Variants in UACA observed in about 807,000 individuals in gnomAD.
UACA encodes the protein uveal autoantigen with coiled-coil domains and ankyrin repeats, also known as nuclear membrane binding protein.
A neutral mutation model predicts 160.5 loss-of-function variants in UACA; 112 were observed. The ratio of observed to expected loss-of-function variants is 0.70; its 90% CI spans 0.60 to 0.82. UACA has a LOEUF of 0.82. Ranked by LOEUF, UACA falls within the 40% of genes least tolerant of loss-of-function variation. The probability of loss-of-function intolerance (pLI) is 0.00; values close to 1 mark genes in which losing one functional copy is unlikely to be tolerated. For missense variants in UACA, 1,574 were observed against 1,614.6 expected, an observed-to-expected ratio of 0.97 and a Z score of 0.43; for synonymous variants, 557 against 568.4, an observed-to-expected ratio of 0.98 and a Z score of 0.29.
rs139369634 is a variant in UACA at position 70,669,418 on chromosome 15, C to T, written c.1266G>A (p.Met422Ile). The T allele has an allele frequency of 7.5e-6, 12 of 1,610,272 alleles. No individual in the cohort carries two copies. The East Asian group carries it at 1.1e-4, about 15-fold the overall frequency. Residue 422 changes from methionine (M) to isoleucine (I), a missense_variant, in exon 16 of 19, where the codon ATG (methionine) becomes ATA (isoleucine). Transcript: ENST00000322954. ...GTAAAGATAGTTCCAGAGGTCTTAA[C>T]ATAGATCTGCTTTGCATATGGGCTG... ...GIPAHMQSRSMLRPLELSLPS... is the reference protein window; with the variant it reads ...GIPAHMQSRSILRPLELSLPS...
rs1897050779 is a variant in UACA, at chr15:70,669,199, T to C, written c.1485A>G (p.Leu495=). 6.2e-7 allele frequency: 1 copy of C among 1,613,970 alleles called. No individual in the cohort carries two copies. The highest frequency in any genetic ancestry group is 8.5e-7 in the Non-Finnish European group (1 of 1,180,002). The part of the protein sequence containing the change: ...KEDSDEQIKQ[L]EDALKDVQKR... ...TCTGCACATCTTTTAATGCATCTTC[T>C]AATTGCTTTATCTGTTCATCTGAAT... The change falls in exon 16 of 19, where the codon TTA becomes TTG. Residue 495 remains leucine (L), a synonymous_variant. Coordinates refer to ENST00000322954, the MANE Select transcript of UACA (RefSeq NM_018003.4).
At chr15:70,710,209 C>T (rs900941273) in intron 1 of UACA, among the ~76,000 whole-genome samples, 12 of 152,078 alleles carry the variant, frequency 7.9e-5, no homozygotes, top group Non-Finnish European at 1.5e-4. Flanking sequence ...GAGCCAAGTT[C>T]GTGCCACTAT....
At chr15:70,739,967 CA>C (rs1474453946) in intron 1 of UACA, among the ~76,000 whole-genome samples, 3 of 152,108 alleles carry the variant, frequency 2.0e-5, no homozygotes, top group African/African-American at 7.2e-5. Context: ...AAACACAGCA[CA>C]GAAAACTGCT....
intron 1 of UACA, among the ~76,000 whole-genome samples, chr15:70,744,757 G>A (rs189136015): frequency 6.6e-6 from 1 of 152,250 alleles, no homozygotes; most frequent in South Asian, 2.1e-4. Context: ...CTTATATAAT[G>A]GCAAATATAC....
intron 7 of UACA, among the ~76,000 whole-genome samples, chr15:70,686,546 G>T (rs985013846): frequency 3.5e-5 from 5 of 144,136 alleles, no homozygotes; most frequent in Non-Finnish European, 6.0e-5. Flanking sequence ...CAATGTGCAG[G>T]TTAGTTACAT....
At chr15:70,761,611 G>C (rs950212820) in intron 1 of UACA, among the ~76,000 whole-genome samples, 1 of 151,792 alleles carries the variant, frequency 6.6e-6, no homozygotes, top group African/African-American at 2.4e-5. Flanking sequence ...TCCTCATTAC[G>C]CTTTTATTTT....
At position 70,669,097 on chromosome 15, in the gene UACA, A is replaced by C. The variant is rs1332269324; in HGVS notation, c.1587T>G (p.Ser529Arg). ...HFLALKEHLT[S>R]EAASGNHRLT... Reference sequence around the variant, plus strand: ...GTCTGTGATTCCCTGAGGCTGCTTCACTTGTTAAGTGTTCTTTAAGGGCAA... The same window carrying C: ...GTCTGTGATTCCCTGAGGCTGCTTCCCTTGTTAAGTGTTCTTTAAGGGCAA... Residue 529 changes from serine to arginine, a missense_variant, in exon 16 of 19, where the codon AGT becomes AGG. Coordinates refer to ENST00000322954, the MANE Select transcript of UACA (RefSeq NM_018003.4). 2 of 1,614,056 alleles carry C rather than the reference A, an allele frequency of 1.2e-6. No individual in the cohort carries two copies. The highest frequency in any genetic ancestry group is 8.5e-7 in the Non-Finnish European group (1 of 1,180,006).
At chr15:70,754,564 A>G (rs2030301261) in intron 1 of UACA, among the ~76,000 whole-genome samples, 2 of 152,140 alleles carry the variant, frequency 1.3e-5, no homozygotes, top group Admixed American at 1.3e-4. Flanking sequence ...CCAAGACATA[A>G]CCCCATAATA....
intron 1 of UACA, among the ~76,000 whole-genome samples, chr15:70,727,674 T>C (rs1899188927): frequency 6.6e-6 from 1 of 152,206 alleles, no homozygotes; most frequent in South Asian, 2.1e-4. Context: ...TGTGAAACTG[T>C]TCTCAAAAAC....
At chr15:70,712,587 G>C (rs1237709243) in intron 1 of UACA, among the ~76,000 whole-genome samples, 1 of 152,114 alleles carries the variant, frequency 6.6e-6, no homozygotes, top group Non-Finnish European at 1.5e-5. Context: ...CTTTAATGGA[G>C]TCCAAAACTC....
chr15:70,714,449 T>G (rs1033771790), intron 1 of UACA, among the ~76,000 whole-genome samples: 1 of 152,152 alleles, frequency 6.6e-6, no homozygotes, highest in Non-Finnish European at 1.5e-5. Flanking sequence ...CTGTTATCCT[T>G]CCACTGTATG....
chr15:70,667,708 C>T lies in UACA; in HGVS notation c.2976G>A (p.Glu992=). ...TTGCTTTAAATTTTCTCTCGCACTC[C>T]TCAAAGCTGACAATTGGGGCGTATT... The part of the protein sequence containing the change: ...KVKYAPIVSF[E]ECERKFKATE... Residue 992 remains glutamate (E), a synonymous_variant, in exon 16 of 19, where the codon GAG becomes GAA. Transcript: ENST00000322954. The T allele has an allele frequency of 6.2e-7, 1 of 1,613,894 alleles. No homozygotes were observed. Among genetic ancestry groups the T allele is most frequent in the East Asian group, 2.2e-5 (1 of 44,862 alleles).
chr15:70,756,193 G>A (rs1183331720), intron 1 of UACA, among the ~76,000 whole-genome samples: 1 of 149,796 alleles, frequency 6.7e-6, no homozygotes, highest in Non-Finnish European at 1.5e-5. Context: ...TTTTGATGGA[G>A]TCTTGCTCTG....
At position 70,667,142 on chromosome 15, in the gene UACA, C is replaced by G; in HGVS notation, c.3542G>C (p.Gly1181Ala). The change falls in exon 16 of 19, where the codon GGA becomes GCA. Residue 1181 changes from glycine to alanine, a missense_variant. Coordinates refer to ENST00000322954, the MANE Select transcript of UACA (RefSeq NM_018003.4). ...TTCTCTCAAGCTGGCTTTTATGATTCCAACTTCTTTCTCAAATGCTTCTTT... is the reference window on the plus strand; with the variant it reads ...TTCTCTCAAGCTGGCTTTTATGATTGCAACTTCTTTCTCAAATGCTTCTTT... ...QIKEAFEKEV[G>A]IIKASLREKE... is the part of the protein sequence containing the mutation. The G allele has an allele frequency of 6.2e-7, 1 of 1,613,556 alleles. No individual in the cohort carries two copies. Among genetic ancestry groups the G allele is most frequent in the Non-Finnish European group, 8.5e-7 (1 of 1,179,934 alleles).
At chr15:70,664,295 G>T (rs77360651) in intron 17 of UACA, among the ~76,000 whole-genome samples, 19 of 152,276 alleles carry the variant, frequency 1.2e-4, no homozygotes, top group Admixed American at 1.2e-3. Context: ...CAATGAGAAA[G>T]ATGCTGGATT....
intron 1 of UACA, among the ~76,000 whole-genome samples, chr15:70,704,260 T>A (rs1230089516): frequency 6.6e-6 from 1 of 152,198 alleles, no homozygotes; most frequent in Admixed American, 6.5e-5. Flanking sequence ...ATAGGCTAGA[T>A]CTGTAACACA....
chr15:70,775,109 G>GA, the UACA span, among the ~76,000 whole-genome samples: 1 of 152,026 alleles, frequency 6.6e-6, no homozygotes, highest in East Asian at 1.9e-4. Context: ...AGTCCCAACT[G>GA]AAAAATGGAA....
Position 70,668,594 on chromosome 15 carries a change from TTC to T in UACA, c.2088_2089del (p.Lys697IlefsTer10). The T allele has an allele frequency of 6.2e-7, 1 of 1,613,666 alleles. No homozygotes were observed. The highest frequency in any genetic ancestry group is 8.5e-7 in the Non-Finnish European group (1 of 1,179,976). On this transcript the variant is annotated frameshift_variant, in exon 16 of 19. Transcript: ENST00000322954. LOFTEE classifies it high-confidence loss of function. ...GATCTTCTTCCCAAGTTCTCCTGATTTCTGTTCTAATCTGCTCTTAACCTGTT... is the reference window on the plus strand; with the variant it reads ...GATCTTCTTCCCAAGTTCTCCTGATTTGTTCTAATCTGCTCTTAACCTGTT...
rs758962367 is a variant in UACA at position 70,684,460 on chromosome 15, T to C, written c.603-14A>G. 2 of 1,590,178 alleles carry C rather than the reference T, an allele frequency of 1.3e-6. No homozygotes were observed. Among genetic ancestry groups the C allele is most frequent in the South Asian group, 1.2e-5 (1 of 86,364 alleles). On this transcript the variant is annotated splice_polypyrimidine_tract_variant and intron_variant, in intron 7 of 18. Transcript: ENST00000322954. Reference sequence around the variant, plus strand: ...ATGAGGGCAGTTCTAAATGGAAAAATGGAAGAGCAAAAGACTGAGAAAACT... The same window carrying C: ...ATGAGGGCAGTTCTAAATGGAAAAACGGAAGAGCAAAAGACTGAGAAAACT...
Sources: allele counts gnomAD v4.1 joint callset (sites outside exome capture counted in the v4.1 genomes callset), GRCh38; gene constraint gnomAD v4.1.1; transcripts MANE v1.5; gene names NCBI Gene and HGNC (gene_info 2026-07-23, HGNC 2026-07-21).